The following ACER2 variants were observed in gnomAD, a reference collection of about 807,000 sequenced individuals.
ACER2 encodes the protein alkaline ceramidase 2.
In ACER2, 26 loss-of-function variants were observed where a neutral mutation model predicts 34.7. The ratio of observed to expected loss-of-function variants is 0.75; its 90% CI spans 0.55 to 1.04. The LOEUF is 1.04. Ranked by LOEUF, ACER2 falls within the 50% of genes least tolerant of loss-of-function variation. ACER2 has a pLI of 0.00. For missense variants in ACER2, 352 were observed against 340.8 expected (o/e 1.03, Z -0.26); for synonymous variants, 138 against 132.1 (o/e 1.04, Z -0.31).
In ACER2 at chr9:19,435,893, C is replaced by CA. The variant is rs531381213; in HGVS notation, c.503+815dup. Among the ~76,000 whole-genome samples, 22 of 148,748 alleles carry CA rather than the reference C, an allele frequency of 1.5e-4. 1 individual carries two copies. The highest frequency in any genetic ancestry group is 5.2e-4 in the African/African-American group (21 of 40,218). On this transcript the variant is annotated intron_variant, in intron 4 of 5. Coordinates refer to ENST00000340967, the MANE Select transcript of ACER2 (RefSeq NM_001010887.3). ...TGAAACCCCGTCTCTACTAAAAATA[C>CA]AAAAAATTAGCTGGGCATGGTGGCG...
At chr9:19,411,913 G>T (rs1267354031) in intron 1 of ACER2, among the ~76,000 whole-genome samples, 2 of 152,074 alleles carry the variant, frequency 1.3e-5, no homozygotes, top group African/African-American at 4.8e-5. Flanking sequence ...TAGACAATGG[G>T]TGCTATTTAT....
rs912283289 is a variant in ACER2 at position 19,451,251 on chromosome 9, T to G, written c.*615T>G. 2 of 152,442 alleles carry G rather than the reference T, an allele frequency of 1.3e-5. No homozygotes were observed. Among genetic ancestry groups the G allele is most frequent in the Non-Finnish European group, 2.9e-5 (2 of 68,110 alleles). 9.4% of individuals were successfully genotyped at this position (152,442 alleles called of 1,614,324 possible). On this transcript the variant is annotated 3_prime_UTR_variant, in exon 6 of 6. Coordinates refer to ENST00000340967, the MANE Select transcript of ACER2 (RefSeq NM_001010887.3). ...CAGGCGCCCTTGGAGTGGACTCTAC[T>G]GATGACAGACAGACCCTCTGAGAGA... is the stretch of plus-strand genomic sequence containing the variant.
chr9:19,444,291 A>C (rs1211428389), intron 4 of ACER2, among the ~76,000 whole-genome samples: 1 of 149,644 alleles, frequency 6.7e-6, no homozygotes, highest in African/African-American at 2.5e-5. Context: ...GGCTCACTGC[A>C]AGCTCCGCCT....
intron 4 of ACER2, among the ~76,000 whole-genome samples, chr9:19,440,093 G>A (rs1791786407): frequency 6.6e-6 from 1 of 151,872 alleles, no homozygotes; most frequent in Admixed American, 6.6e-5. Context: ...TATACACCCA[G>A]TGATCAGTTT....
chr9:19,410,695 G>A (rs1486782811), intron 1 of ACER2, among the ~76,000 whole-genome samples: 4 of 152,200 alleles, frequency 2.6e-5, no homozygotes, highest in African/African-American at 9.6e-5. Context: ...GGGCAACAGG[G>A]TCTCAAAGAA....
At chr9:19,431,329 T>C (rs1350193605) in intron 3 of ACER2, among the ~76,000 whole-genome samples, 1 of 152,102 alleles carries the variant, frequency 6.6e-6, no homozygotes, top group Non-Finnish European at 1.5e-5. Context: ...TACTAAGCAA[T>C]GGAGGCAGGA....
At chr9:19,446,212 A>G (rs1209779120) in intron 4 of ACER2, 69 bp from the exon 5 acceptor site, 1 of 1,611,722 alleles carries the variant, frequency 6.2e-7, no homozygotes, top group Non-Finnish European at 8.5e-7. Context: ...AAGGAGACAC[A>G]GGAAAGGTGG....
At chr9:19,421,186 G>T (rs891948824) in intron 1 of ACER2, among the ~76,000 whole-genome samples, 6 of 152,114 alleles carry the variant, frequency 3.9e-5, no homozygotes, top group African/African-American at 7.2e-5. Context: ...TGGCATAAAA[G>T]CTCCATTATA....
intron 1 of ACER2, among the ~76,000 whole-genome samples, chr9:19,423,636 G>T (rs1299572596): frequency 6.6e-6 from 1 of 152,234 alleles, no homozygotes; most frequent in African/African-American, 2.4e-5. Context: ...GGGAGGTAGA[G>T]GTTGCAGTGA....
At chr9:19,443,585 T>G (rs751519592) in intron 4 of ACER2, among the ~76,000 whole-genome samples, 1 of 152,406 alleles carries the variant, frequency 6.6e-6, no homozygotes, top group East Asian at 1.9e-4. Flanking sequence ...CCTGGCACAG[T>G]TGCCAGGCAT....
At chr9:19,435,941 T>A (rs986856693) in intron 4 of ACER2, among the ~76,000 whole-genome samples, 101 of 151,098 alleles carry the variant, frequency 6.7e-4, no homozygotes, top group African/African-American at 2.3e-3. Flanking sequence ...CCCAGCTACT[T>A]GGGAGGCTGA....
At chr9:19,410,025 T>A (rs1830041637) in intron 1 of ACER2, 1 of 804,454 alleles carries the variant, frequency 1.2e-6, no homozygotes, top group Non-Finnish European at 1.5e-6. Flanking sequence ...TGGCTCAGAA[T>A]CCTGGTACAG....
intron 4 of ACER2, among the ~76,000 whole-genome samples, chr9:19,436,512 C>T (rs749830727): frequency 3.4e-4 from 51 of 151,862 alleles, no homozygotes; most frequent in Non-Finnish European, 6.3e-4. Flanking sequence ...CTTGTATCTT[C>T]TTACAGCCTT....
At chr9:19,426,936 A>AT (rs1434778716) in intron 3 of ACER2, among the ~76,000 whole-genome samples, 1 of 152,140 alleles carries the variant, frequency 6.6e-6, no homozygotes, top group Non-Finnish European at 1.5e-5. Context: ...GTCTGTGACT[A>AT]TTGGGACTTT....
intron 1 of ACER2, among the ~76,000 whole-genome samples, chr9:19,418,622 T>A (rs1264700942): frequency 6.6e-6 from 1 of 152,108 alleles, no homozygotes; most frequent in East Asian, 1.9e-4. Context: ...CTGTATGTTC[T>A]CACTCATAAG....
rs16937530 is a variant in ACER2, at chr9:19,445,224, G to A, written c.504-1057G>A. On this transcript the variant is annotated intron_variant, in intron 4 of 5. Transcript: ENST00000340967. The stretch of plus-strand genomic sequence containing the variant: ...CAAGTCTTTGTCAAGGAAAGAAGAC[G>A]GCAATTGAAATTTTCATTGAGCTGT... Among the ~76,000 whole-genome samples, 1,440 of 152,310 alleles carry A rather than the reference G, an allele frequency of 9.5e-3. 83 individuals are homozygous for A. In the East Asian group the frequency reaches 0.15, roughly 16 times the overall value.
intron 4 of ACER2, 59 bp downstream of exon 4, chr9:19,435,143 C>A (rs566675534): frequency 1.9e-6 from 3 of 1,588,468 alleles, no homozygotes; most frequent in African/African-American, 2.7e-5. Flanking sequence ...CACACCAGTT[C>A]GGGGCTTCTT....
At chr9:19,426,076 G>T (rs961945677) in intron 3 of ACER2, among the ~76,000 whole-genome samples, 4 of 152,028 alleles carry the variant, frequency 2.6e-5, no homozygotes, top group African/African-American at 9.7e-5. Context: ...TAGAATGAAT[G>T]AACTAAACTC....
At chr9:19,431,219 C>T (rs1830744952) in intron 3 of ACER2, among the ~76,000 whole-genome samples, 1 of 152,036 alleles carries the variant, frequency 6.6e-6, no homozygotes, top group African/African-American at 2.4e-5. Context: ...ATGTACTGGG[C>T]ACTGTGTTAA....
Sources: gnomAD v4.1 joint callset for allele counts (sites outside exome capture counted in the v4.1 genomes callset) on GRCh38, gnomAD v4.1.1 for gene constraint, MANE v1.5 for transcripts, NCBI Gene and HGNC (gene_info 2026-07-23, HGNC 2026-07-21) for gene names.